The following TAFA1 variants were observed in gnomAD, a reference collection of about 807,000 sequenced individuals.
TAFA1 encodes the protein chemokine-like protein TAFA-1.
Under a neutral mutation model 18.5 loss-of-function variants are expected in TAFA1, and 4 were observed. The observed-to-expected ratio is 0.22, with a 90% confidence interval of 0.11 to 0.49. The LOEUF (loss-of-function observed/expected upper bound fraction) is 0.49, where lower values mean the gene tolerates loss of function less well. Ranked by LOEUF, TAFA1 falls within the 20% of genes least tolerant of loss-of-function variation. The probability of loss-of-function intolerance (pLI) is 0.98; values close to 1 mark genes in which losing one functional copy is unlikely to be tolerated. For missense variants in TAFA1, 147 were observed against 169.0 expected (o/e 0.87, Z 0.72); for synonymous variants, 56 against 55.2 (o/e 1.01, Z -0.06).
intron 3 of TAFA1, among the ~76,000 whole-genome samples, chr3:68,423,340 G>C (rs139671073): frequency 1.3e-5 from 2 of 152,200 alleles, no homozygotes; most frequent in Non-Finnish European, 2.9e-5. Flanking sequence ...GAGGATCAGC[G>C]AAATTTGGTG....
intron 2 of TAFA1, among the ~76,000 whole-genome samples, chr3:68,371,886 A>G (rs2069713783): frequency 6.6e-6 from 1 of 152,114 alleles, no homozygotes; most frequent in African/African-American, 2.4e-5. Context: ...AGTACCAGCT[A>G]ATTGCTCCCA....
At chr3:68,266,199 A>T (rs1293614395) in intron 2 of TAFA1, among the ~76,000 whole-genome samples, 2 of 152,136 alleles carry the variant, frequency 1.3e-5, no homozygotes, top group African/African-American at 4.8e-5. Flanking sequence ...AGCGCGCTTT[A>T]ATTTACAGCC....
chr3:68,491,529 G>A (rs560657705), intron 3 of TAFA1, among the ~76,000 whole-genome samples: 1 of 126,364 alleles, frequency 7.9e-6, no homozygotes, highest in East Asian at 2.8e-4. Flanking sequence ...ATCACACTCT[G>A]GGGACTGTTG....
the TAFA1 span, among the ~76,000 whole-genome samples, chr3:67,996,332 A>G: frequency 6.6e-6 from 1 of 152,222 alleles, no homozygotes; most frequent in East Asian, 1.9e-4. Flanking sequence ...AAAATCAGAC[A>G]TTATATTCTG....
At chr3:68,154,696 A>G (rs2065846222) in intron 2 of TAFA1, among the ~76,000 whole-genome samples, 1 of 152,108 alleles carries the variant, frequency 6.6e-6, no homozygotes, top group African/African-American at 2.4e-5. Context: ...AATACATGTG[A>G]CTTTCCCTGT....
intron 3 of TAFA1, among the ~76,000 whole-genome samples, chr3:68,470,199 C>T (rs1387070556): frequency 6.6e-6 from 1 of 152,222 alleles, no homozygotes; most frequent in African/African-American, 2.4e-5. Flanking sequence ...CTTTGATTCT[C>T]ATTCACCTTC....
At chr3:68,480,873 G>A (rs982180474) in intron 3 of TAFA1, among the ~76,000 whole-genome samples, 4 of 152,148 alleles carry the variant, frequency 2.6e-5, no homozygotes, top group Admixed American at 2.0e-4. Flanking sequence ...AATTATAGGG[G>A]CAGTTTCCCT....
chr3:68,026,617 C>G (rs1575580483), intron 2 of TAFA1, among the ~76,000 whole-genome samples: 1 of 151,794 alleles, frequency 6.6e-6, no homozygotes, highest in Non-Finnish European at 1.5e-5. Flanking sequence ...TTTTATTATC[C>G]CAGTTTTTCA....
the TAFA1 span, among the ~76,000 whole-genome samples, chr3:67,992,805 G>A: frequency 1.3e-5 from 2 of 152,078 alleles, no homozygotes; most frequent in Non-Finnish European, 2.9e-5. Context: ...GGGTATGATT[G>A]TATTCTCTGC....
At chr3:68,475,836 T>C (rs1016391338) in intron 3 of TAFA1, among the ~76,000 whole-genome samples, 3 of 152,216 alleles carry the variant, frequency 2.0e-5, no homozygotes, top group African/African-American at 7.2e-5. Flanking sequence ...TTCCTGACTT[T>C]TTAATGATCG....
intron 2 of TAFA1, among the ~76,000 whole-genome samples, chr3:68,276,061 C>G: frequency 6.6e-6 from 1 of 151,876 alleles, no homozygotes; most frequent in Non-Finnish European, 1.5e-5. Context: ...AATTACAATA[C>G]CCTGACTGTA....
intron 2 of TAFA1, among the ~76,000 whole-genome samples, chr3:68,314,423 C>T (rs529564003): frequency 6.6e-6 from 1 of 152,288 alleles, no homozygotes; most frequent in Non-Finnish European, 1.5e-5. Flanking sequence ...ATTCCTGTCA[C>T]TTCCTCAGTT....
intron 2 of TAFA1, among the ~76,000 whole-genome samples, chr3:68,346,608 A>G (rs1379675015): frequency 6.6e-6 from 1 of 152,206 alleles, no homozygotes; most frequent in African/African-American, 2.4e-5. Context: ...CAACAGAAGC[A>G]TTGATTGAGA....
At chr3:68,531,547 C>T (rs1192290037) in intron 3 of TAFA1, among the ~76,000 whole-genome samples, 1 of 152,054 alleles carries the variant, frequency 6.6e-6, no homozygotes, top group Non-Finnish European at 1.5e-5. Context: ...GGAAGTTGTG[C>T]TCATGCTCAT....
intron 2 of TAFA1, among the ~76,000 whole-genome samples, chr3:68,114,729 T>C (rs1463944979): frequency 6.6e-6 from 1 of 152,226 alleles, no homozygotes; most frequent in Admixed American, 6.5e-5. Context: ...GCTATGTGCA[T>C]TTGTATACTA....
At chr3:68,432,401 C>T (rs2071191844) in intron 3 of TAFA1, among the ~76,000 whole-genome samples, 1 of 151,970 alleles carries the variant, frequency 6.6e-6, no homozygotes, top group Admixed American at 6.6e-5. Flanking sequence ...TGTGAGCCCT[C>T]AATTATATTA....
chr3:68,059,151 C>A (rs368368547), intron 2 of TAFA1, among the ~76,000 whole-genome samples: 1 of 152,128 alleles, frequency 6.6e-6, no homozygotes, highest in South Asian at 2.1e-4. Flanking sequence ...GAAGACCATA[C>A]AATTGGAGGA....
intron 3 of TAFA1, among the ~76,000 whole-genome samples, chr3:68,447,518 A>G (rs2071491125): frequency 6.6e-6 from 1 of 152,238 alleles, no homozygotes; most frequent in Non-Finnish European, 1.5e-5. Flanking sequence ...TCCTTGTTCC[A>G]GAACCATTGC....
intron 3 of TAFA1, among the ~76,000 whole-genome samples, chr3:68,505,771 G>A (rs1231528035): frequency 6.6e-6 from 1 of 152,052 alleles, no homozygotes; most frequent in Non-Finnish European, 1.5e-5. Context: ...GCAACATGGT[G>A]GTTTGCTTCT....
Sources: allele counts gnomAD v4.1 joint callset (sites outside exome capture counted in the v4.1 genomes callset), GRCh38; gene constraint gnomAD v4.1.1; transcripts MANE v1.5; gene names NCBI Gene and HGNC (gene_info 2026-07-23, HGNC 2026-07-21).